The following ZNF25 variants were observed in gnomAD, a reference collection of about 807,000 sequenced individuals.
The protein encoded by ZNF25 is zinc finger protein 25 (KOX 19).
A neutral mutation model predicts 30.9 loss-of-function variants in ZNF25; 21 were observed. That is an observed-to-expected ratio of 0.68 (90% CI 0.48 to 0.98). ZNF25 has a LOEUF of 0.98. ZNF25 is among the 50% of genes least tolerant of loss of function. The probability of loss-of-function intolerance (pLI) is 0.00; values close to 1 mark genes in which losing one functional copy is unlikely to be tolerated. For synonymous variants in ZNF25, 169 were observed against 181.3 expected, an observed-to-expected ratio of 0.93 and a Z score of 0.55; for missense variants, 501 against 529.9, an observed-to-expected ratio of 0.95 and a Z score of 0.54.
intron 2 of ZNF25, among the ~76,000 whole-genome samples, chr10:37,960,467 A>G (rs1252590785): frequency 6.7e-6 from 1 of 150,326 alleles, no homozygotes; most frequent in African/African-American, 2.4e-5. Flanking sequence ...ACAAAAAAAA[A>G]AAAAAAATTA....
intron 2 of ZNF25, among the ~76,000 whole-genome samples, chr10:37,959,379 T>A (rs188418330): frequency 1.2e-4 from 18 of 152,300 alleles, no homozygotes; most frequent in Non-Finnish European, 1.9e-4. Flanking sequence ...TGGAAATTAG[T>A]TACTAACCAC....
Position 37,952,154 on chromosome 10 carries a change from G to A in ZNF25, c.1344C>T (p.His448=). The change falls in exon 6 of 6, where the codon CAC becomes CAT. Residue 448 remains histidine (H), a synonymous_variant. Transcript: ENST00000302609. The part of the protein sequence containing the change: ...KSQLTAHQKT[H]TKKRNAEK ...ACTTCTCAGCATTCCTCTTCTTTGT[G>A]TGTGTCTTCTGATGTGCAGTGAGTT... The A allele has an allele frequency of 6.3e-7, 1 of 1,579,004 alleles. No individual in the cohort carries two copies. Among genetic ancestry groups the A allele is most frequent in the Non-Finnish European group, 8.6e-7 (1 of 1,164,436 alleles).
intron 2 of ZNF25, among the ~76,000 whole-genome samples, chr10:37,961,235 C>T (rs2062851159): frequency 6.6e-6 from 1 of 152,182 alleles, no homozygotes; most frequent in Non-Finnish European, 1.5e-5. Flanking sequence ...TATATACACA[C>T]ATGGACATTT....
intron 2 of ZNF25, among the ~76,000 whole-genome samples, chr10:37,959,822 C>T (rs1449014559): frequency 6.6e-6 from 1 of 151,730 alleles, no homozygotes; most frequent in Non-Finnish European, 1.5e-5. Flanking sequence ...GTTGGCCAGG[C>T]TGGTCTCGAA....
At chr10:37,970,494 T>C (rs1427037490) in intron 2 of ZNF25, among the ~76,000 whole-genome samples, 1 of 152,218 alleles carries the variant, frequency 6.6e-6, no homozygotes, top group African/African-American at 2.4e-5. Context: ...AAGGCATTTA[T>C]ATAAAATCCA....
At chr10:37,958,594 T>C (rs528049710) in intron 2 of ZNF25, among the ~76,000 whole-genome samples, 2 of 152,348 alleles carry the variant, frequency 1.3e-5, no homozygotes, top group Non-Finnish European at 2.9e-5. Flanking sequence ...CTTATTAATA[T>C]AATACATACC....
At chr10:37,958,909 C>T (rs533582107) in intron 2 of ZNF25, among the ~76,000 whole-genome samples, 10 of 152,154 alleles carry the variant, frequency 6.6e-5, no homozygotes, top group South Asian at 6.2e-4. Context: ...ATTAGCCGGG[C>T]GTGGTGGCAC....
rs2062299454 is a variant in ZNF25 at position 37,953,351 on chromosome 10, TTC to T, written c.303-158_303-157del. The T allele has an allele frequency of 5.8e-6, 4 of 689,464 alleles. No individual in the cohort carries two copies. The South Asian group carries it at 8.0e-5, about 14-fold the overall frequency. 42.7% of individuals were successfully genotyped at this position (689,464 alleles called of 1,614,324 possible). On this transcript the variant is annotated intron_variant, in intron 5 of 5. Transcript: ENST00000302609. ...CCATAGGGTTTCTCCACTGTGAGCA[TTC>T]TCTGACCTGCACTGTAGTTTAACAT...
chr10:37,967,582 G>A (rs539871252), intron 2 of ZNF25, among the ~76,000 whole-genome samples: 94 of 151,854 alleles, frequency 6.2e-4, no homozygotes, highest in Non-Finnish European at 9.4e-4. Flanking sequence ...GCTAATTTTT[G>A]TATTTTGCAG....
At chr10:37,965,352 C>T (rs1295198412) in intron 2 of ZNF25, among the ~76,000 whole-genome samples, 2 of 152,148 alleles carry the variant, frequency 1.3e-5, no homozygotes, top group Non-Finnish European at 2.9e-5. Context: ...ATGCTAGAGC[C>T]ACTAGCCACT....
chr10:37,954,794 G>A (rs2062412320), intron 4 of ZNF25, among the ~76,000 whole-genome samples: 1 of 152,092 alleles, frequency 6.6e-6, no homozygotes. Context: ...CAATGGTGGG[G>A]AATACATAAG....
In ZNF25 at chr10:37,950,426, T is replaced by C. The variant is rs1168324243; in HGVS notation, c.*1701A>G. The C allele has an allele frequency of 2.0e-5, 3 of 152,580 alleles. No homozygotes were observed. Among genetic ancestry groups the C allele is most frequent in the South Asian group, 2.1e-4 (1 of 4,834 alleles). 9.5% of individuals were successfully genotyped at this position (152,580 alleles called of 1,614,324 possible). A position where few individuals can be genotyped will look rare whatever the true frequency, so the allele number is the denominator to read the frequency against. On this transcript the variant is annotated 3_prime_UTR_variant, in exon 6 of 6. Transcript: ENST00000302609. ...TGGGTAGTGGGCCAGATCTGTCTGATGGACTGTCATTTGTCAAACCCTGAC... is the reference window on the plus strand; with the variant it reads ...TGGGTAGTGGGCCAGATCTGTCTGACGGACTGTCATTTGTCAAACCCTGAC...
At chr10:37,967,011 T>G (rs2063222781) in intron 2 of ZNF25, among the ~76,000 whole-genome samples, 1 of 151,976 alleles carries the variant, frequency 6.6e-6, no homozygotes, top group Admixed American at 6.6e-5. Context: ...TTCACGAAAA[T>G]AGTAGTAACC....
intron 2 of ZNF25, among the ~76,000 whole-genome samples, chr10:37,961,794 G>A (rs940488682): frequency 2.6e-5 from 4 of 151,948 alleles, no homozygotes; most frequent in African/African-American, 9.7e-5. Context: ...GGTGGCTCAT[G>A]CCTGTAATCC....
At chr10:37,961,979 G>A (rs1475429663) in intron 2 of ZNF25, among the ~76,000 whole-genome samples, 8 of 149,664 alleles carry the variant, frequency 5.3e-5, no homozygotes, top group African/African-American at 1.2e-4. Context: ...GCTCATGCCT[G>A]TAATCCCAGC....
chr10:37,968,924 G>A (rs1055526072), intron 2 of ZNF25, among the ~76,000 whole-genome samples: 2 of 152,022 alleles, frequency 1.3e-5, no homozygotes, highest in East Asian at 3.9e-4. Context: ...GTACATGCAG[G>A]GGTCCTGGAA....
intron 2 of ZNF25, among the ~76,000 whole-genome samples, chr10:37,961,898 G>A (rs1394408090): frequency 8.4e-6 from 1 of 119,044 alleles, no homozygotes; most frequent in African/African-American, 3.3e-5. Context: ...TCCAGCCTGA[G>A]CAACAAAGAT....
intron 1 of ZNF25, among the ~76,000 whole-genome samples, chr10:37,974,273 A>C (rs1272693451): frequency 6.6e-6 from 1 of 152,188 alleles, no homozygotes; most frequent in Non-Finnish European, 1.5e-5. Flanking sequence ...AAATAGATGA[A>C]TGGGATTACA....
At chr10:37,955,305 C>T (rs550508362) in intron 4 of ZNF25, among the ~76,000 whole-genome samples, 1 of 152,222 alleles carries the variant, frequency 6.6e-6, no homozygotes, top group South Asian at 2.1e-4. Flanking sequence ...ATGAATATTA[C>T]TAATACCTCC....
Sources: gnomAD v4.1 joint callset for allele counts (sites outside exome capture counted in the v4.1 genomes callset) on GRCh38, gnomAD v4.1.1 for gene constraint, MANE v1.5 for transcripts, NCBI Gene and HGNC (gene_info 2026-07-23, HGNC 2026-07-21) for gene names.